The following FHIT variants were observed in gnomAD, a reference collection of about 807,000 sequenced individuals.
FHIT encodes fragile histidine triad diadenosine triphosphatase.
In FHIT, 19 loss-of-function variants were observed where a neutral mutation model predicts 17.9. The ratio of observed to expected loss-of-function variants is 1.06; its 90% CI spans 0.74 to 1.56. The LOEUF (loss-of-function observed/expected upper bound fraction) is 1.56, where lower values mean the gene tolerates loss of function less well. Among genes scored for constraint, FHIT ranks in the 40% most tolerant of loss-of-function variants. FHIT has a pLI of 0.00. For synonymous variants in FHIT, 81 were observed against 69.7 expected, an observed-to-expected ratio of 1.16 and a Z score of -0.81; for missense variants, 248 against 189.2, an observed-to-expected ratio of 1.31 and a Z score of -1.82.
At chr3:61,104,835 G>T (rs1245947828) in intron 2 of FHIT, among the ~76,000 whole-genome samples, 1 of 151,910 alleles carries the variant, frequency 6.6e-6, no homozygotes, top group Non-Finnish European at 1.5e-5. Context: ...CTCTGAAATT[G>T]TTTCCTCTGC....
At position 60,929,548 on chromosome 3, in the gene FHIT, A is replaced by G. The variant is rs1707836054; in HGVS notation, c.-110-107537T>C. Among the ~76,000 whole-genome samples the G allele has an allele frequency of 2.0e-5, 3 of 151,850 alleles. No individual in the cohort carries two copies. The South Asian group carries it at 6.2e-4, about 31-fold the overall frequency. On this transcript the variant is annotated intron_variant, in intron 3 of 9. Transcript: ENST00000492590. ...ACAAAATCAATGTGCAAAAATCACA[A>G]GCATTCTTATATACCAATAAAAGAC... is the stretch of plus-strand genomic sequence containing the variant.
intron 1 of FHIT, among the ~76,000 whole-genome samples, chr3:61,221,224 A>T (rs565582338): frequency 2.1e-4 from 32 of 152,338 alleles, no homozygotes; most frequent in African/African-American, 7.7e-4. Context: ...ACATTCTGAC[A>T]ATGTGGCATT....
intron 5 of FHIT, among the ~76,000 whole-genome samples, chr3:60,097,647 T>C: frequency 6.6e-6 from 1 of 152,160 alleles, no homozygotes; most frequent in East Asian, 1.9e-4. Context: ...GTAATTATAA[T>C]TCCTCTTTCT....
chr3:60,303,708 G>C (rs1708542095), intron 5 of FHIT, among the ~76,000 whole-genome samples: 1 of 152,140 alleles, frequency 6.6e-6, no homozygotes, highest in Non-Finnish European at 1.5e-5. Context: ...CCACCCCTTG[G>C]AGGTGAGCTG....
At chr3:59,979,133 A>G (rs1353623513) in intron 7 of FHIT, among the ~76,000 whole-genome samples, 1 of 152,114 alleles carries the variant, frequency 6.6e-6, no homozygotes, top group African/African-American at 2.4e-5. Flanking sequence ...GTGTGCCTAA[A>G]AATGTCACAC....
chr3:61,220,317 C>A (rs556466017), intron 1 of FHIT, among the ~76,000 whole-genome samples: 1 of 152,256 alleles, frequency 6.6e-6, no homozygotes, highest in East Asian at 1.9e-4. Flanking sequence ...CCTGGTTAAA[C>A]CACATAATAA....
intron 8 of FHIT, among the ~76,000 whole-genome samples, chr3:59,813,303 C>G (rs1462365947): frequency 1.3e-5 from 2 of 152,052 alleles, no homozygotes; most frequent in African/African-American, 2.4e-5. Flanking sequence ...GGCTCTGCAT[C>G]CCAGGCCTGC....
At chr3:60,940,587 T>A (rs1002034849) in intron 3 of FHIT, among the ~76,000 whole-genome samples, 1 of 152,204 alleles carries the variant, frequency 6.6e-6, no homozygotes. Context: ...TATATGATAA[T>A]GTCTGAGGGT....
intron 5 of FHIT, among the ~76,000 whole-genome samples, chr3:60,447,499 T>TA (rs2031422481): frequency 6.6e-6 from 1 of 152,158 alleles, no homozygotes; most frequent in Non-Finnish European, 1.5e-5. Flanking sequence ...TGATCTCTTT[T>TA]AAGACAGATA....
intron 4 of FHIT, among the ~76,000 whole-genome samples, chr3:60,713,047 C>G (rs1326971330): frequency 1.3e-5 from 2 of 152,010 alleles, no homozygotes; most frequent in Admixed American, 1.3e-4. Flanking sequence ...CCTCAACAAA[C>G]GTAAAAGAAG....
At position 60,780,662 on chromosome 3, in the gene FHIT, G is replaced by A. The variant is rs1025618592; in HGVS notation, c.-18+41257C>T. Among the ~76,000 whole-genome samples the A allele has an allele frequency of 5.9e-5, 9 of 152,106 alleles. No homozygotes were observed. The South Asian group carries it at 6.2e-4, about 11-fold the overall frequency. ...GCCTCTGCCGTTTCCCCAAAACAGC[G>A]CCCCCTCTCAGCAGGAAGCAGTTAA... is the stretch of plus-strand genomic sequence containing the variant. On this transcript the variant is annotated intron_variant, in intron 4 of 9. Coordinates refer to ENST00000492590, the MANE Select transcript of FHIT (RefSeq NM_002012.4).
At chr3:61,042,910 G>A (rs967641004) in intron 2 of FHIT, among the ~76,000 whole-genome samples, 1 of 151,986 alleles carries the variant, frequency 6.6e-6, no homozygotes. Context: ...GCCTAGGAAG[G>A]GAATATCTGA....
At chr3:61,069,581 C>A (rs2034732485) in intron 2 of FHIT, among the ~76,000 whole-genome samples, 1 of 152,056 alleles carries the variant, frequency 6.6e-6, no homozygotes, top group Non-Finnish European at 1.5e-5. Flanking sequence ...AATTCCTGCC[C>A]AACCAAATTA....
At chr3:59,857,764 C>G (rs971928744) in intron 8 of FHIT, among the ~76,000 whole-genome samples, 2 of 125,992 alleles carry the variant, frequency 1.6e-5, no homozygotes, top group Non-Finnish European at 3.2e-5. Flanking sequence ...ACTATTGGTG[C>G]CTTGGGAAGG....
At chr3:60,624,902 T>TG (rs59552130) in intron 4 of FHIT, among the ~76,000 whole-genome samples, 59,988 of 150,810 alleles carry the variant, frequency 0.4, 12,180 homozygotes, top group East Asian at 0.65. Flanking sequence ...CTAGTTTTTT[T>TG]TTTTGTTTGT....
At chr3:60,576,525 G>A (rs781137330) in intron 4 of FHIT, among the ~76,000 whole-genome samples, 6 of 152,152 alleles carry the variant, frequency 3.9e-5, no homozygotes, top group African/African-American at 4.8e-5. Context: ...GGGACAATCC[G>A]TTCCCTTACC....
chr3:59,949,237 G>A (rs1040343158), intron 7 of FHIT, among the ~76,000 whole-genome samples: 3 of 152,116 alleles, frequency 2.0e-5, no homozygotes, highest in African/African-American at 4.8e-5. Context: ...CTTCAACTAC[G>A]AGTGATCTCT....
At chr3:60,082,908 C>T (rs991372645) in intron 5 of FHIT, among the ~76,000 whole-genome samples, 1 of 152,116 alleles carries the variant, frequency 6.6e-6, no homozygotes, top group Non-Finnish European at 1.5e-5. Context: ...TATTTTCTCC[C>T]ATCCTGTAGG....
rs1189100387 is a variant in FHIT at position 60,226,472 on chromosome 3, CAAAAAA to C, written c.104-212326_104-212321del. On this transcript the variant is annotated intron_variant, in intron 5 of 9. Coordinates refer to ENST00000492590, the MANE Select transcript of FHIT (RefSeq NM_002012.4). ...GGGCAACAAGAGTGAAACTCCGTCT[CAAAAAA>C]AAAAAAAAAAAAAAAACACTGCCTG... 1.1e-4 allele frequency among the ~76,000 whole-genome samples: 8 copies of C among 70,140 alleles called. No individual in the cohort carries two copies. In the East Asian group the frequency reaches 2.1e-3, roughly 18 times the overall value. The allele number at this position is 70,140 out of a possible 152,430, so 46.0% of individuals were successfully genotyped here.
Sources: allele counts gnomAD v4.1 joint callset (sites outside exome capture counted in the v4.1 genomes callset), GRCh38; gene constraint gnomAD v4.1.1; transcripts MANE v1.5; gene names NCBI Gene and HGNC (gene_info 2026-07-23, HGNC 2026-07-21).